RAD51B: variants seen among roughly 807,000 people sequenced by gnomAD.
RAD51B encodes RAD51 paralog B.
A neutral mutation model predicts 42.2 loss-of-function variants in RAD51B; 38 were observed. The ratio of observed to expected loss-of-function variants is 0.90; its 90% CI spans 0.70 to 1.18. The LOEUF is 1.18. RAD51B is among the 50% of genes most tolerant of loss of function. RAD51B has a pLI of 0.00. For missense variants in RAD51B, 373 were observed against 400.7 expected, an observed-to-expected ratio of 0.93 and a Z score of 0.59; for synonymous variants, 154 against 145.2, an observed-to-expected ratio of 1.06 and a Z score of -0.43.
chr14:68,042,566 GT>G (rs1023389311), intron 7 of RAD51B, among the ~76,000 whole-genome samples: 1 of 151,884 alleles, frequency 6.6e-6, no homozygotes, highest in Non-Finnish European at 1.5e-5. Context: ...GAATTGAAGG[GT>G]TTTTTTTCCT....
intron 10 of RAD51B, among the ~76,000 whole-genome samples, chr14:68,629,862 A>T (rs867694323): frequency 1.3e-5 from 2 of 152,234 alleles, no homozygotes; most frequent in Non-Finnish European, 2.9e-5. Context: ...ATTAAAGCTA[A>T]TCCACCATAG....
intron 8 of RAD51B, among the ~76,000 whole-genome samples, chr14:68,400,023 A>C (rs2084052118): frequency 6.6e-6 from 1 of 152,164 alleles, no homozygotes; most frequent in African/African-American, 2.4e-5. Flanking sequence ...TTCTGTTCTT[A>C]CTGCTTGCAA....
chr14:68,193,940 A>C (rs2079315724), intron 7 of RAD51B, among the ~76,000 whole-genome samples: 3 of 152,162 alleles, frequency 2.0e-5, no homozygotes, highest in Non-Finnish European at 2.9e-5. Flanking sequence ...CTGTGATCAC[A>C]CTCATTAGAC....
intron 7 of RAD51B, among the ~76,000 whole-genome samples, chr14:67,910,393 G>A (rs1441340922): frequency 2.8e-4 from 12 of 42,392 alleles, no homozygotes; most frequent in East Asian, 1.7e-3. Flanking sequence ...GCGACAGAGC[G>A]AGACTCTGTC....
chr14:68,127,861 G>T (rs935575503), intron 7 of RAD51B, among the ~76,000 whole-genome samples: 2 of 152,096 alleles, frequency 1.3e-5, no homozygotes, highest in African/African-American at 4.8e-5. Context: ...AGTTTTCATT[G>T]TATCTCATGA....
chr14:68,466,083 T>C (rs1307136832), intron 9 of RAD51B, among the ~76,000 whole-genome samples: 1 of 152,172 alleles, frequency 6.6e-6, no homozygotes, highest in South Asian at 2.1e-4. Flanking sequence ...AAAGTGTAAA[T>C]TCCCACCTAT....
chr14:67,982,939 C>G (rs1276427995), intron 7 of RAD51B, among the ~76,000 whole-genome samples: 1 of 152,028 alleles, frequency 6.6e-6, no homozygotes, highest in Non-Finnish European at 1.5e-5. Flanking sequence ...GTGGCACGAG[C>G]CTGTAGTCTC....
intron 9 of RAD51B, among the ~76,000 whole-genome samples, chr14:68,465,188 G>A (rs1460054817): frequency 6.6e-6 from 1 of 152,076 alleles, no homozygotes; most frequent in Non-Finnish European, 1.5e-5. Context: ...ATGTCTAGTT[G>A]CTACATACAG....
intron 7 of RAD51B, among the ~76,000 whole-genome samples, chr14:68,105,113 CTT>C (rs758724955): frequency 3.5e-5 from 5 of 142,014 alleles, no homozygotes. Context: ...CTCCAGGAAT[CTT>C]TTTTTTTTTT....
chr14:68,144,529 T>C, intron 7 of RAD51B, among the ~76,000 whole-genome samples: 1 of 152,380 alleles, frequency 6.6e-6, no homozygotes, highest in East Asian at 1.9e-4. Context: ...CATTGTCTTT[T>C]GTAGTAGAGC....
At chr14:68,392,488 A>T (rs901413791) in intron 8 of RAD51B, among the ~76,000 whole-genome samples, 7 of 151,488 alleles carry the variant, frequency 4.6e-5, no homozygotes, top group African/African-American at 1.7e-4. Flanking sequence ...GCCCTATAGG[A>T]CTCTCTCTCC....
chr14:67,866,239 T>G (rs1296794527), intron 5 of RAD51B, among the ~76,000 whole-genome samples: 3 of 152,186 alleles, frequency 2.0e-5, no homozygotes. Flanking sequence ...GATTAACTTA[T>G]TTGGATCTTG....
chr14:68,331,303 G>GGA (rs1365161948), intron 8 of RAD51B, among the ~76,000 whole-genome samples: 1 of 136,490 alleles, frequency 7.3e-6, no homozygotes, highest in Non-Finnish European at 1.5e-5. Context: ...GGGAGGCAGA[G>GGA]GTTGCAATGA....
In RAD51B at chr14:68,446,982, C is replaced by T. The variant is rs139287663; in HGVS notation, c.958-21190C>T. Among the ~76,000 whole-genome samples, 872 of 152,166 alleles carry T rather than the reference C, an allele frequency of 5.7e-3. 12 individuals carry two copies. Among genetic ancestry groups the T allele is most frequent in the African/African-American group, 0.02 (812 of 41,522 alleles). ...CTGTAATCCCAGCACTTTAGGAGGCCGAGGCGGGCGGATCACCTGCAGTCA... is the reference window on the plus strand; with the variant it reads ...CTGTAATCCCAGCACTTTAGGAGGCTGAGGCGGGCGGATCACCTGCAGTCA... On this transcript the variant is annotated intron_variant, in intron 9 of 10. Coordinates refer to ENST00000471583, the MANE Select transcript of RAD51B (RefSeq NM_133510.4).
chr14:68,602,462 G>T (rs78658253), intron 10 of RAD51B, among the ~76,000 whole-genome samples: 3,764 of 151,708 alleles, frequency 0.025, 151 homozygotes, highest in African/African-American at 0.084. Context: ...GTTGGATGCG[G>T]ATAGATGGGT....
intron 7 of RAD51B, among the ~76,000 whole-genome samples, chr14:67,931,010 G>A (rs557362068): frequency 3.8e-4 from 57 of 150,918 alleles, no homozygotes; most frequent in Admixed American, 3.0e-3. Context: ...AAGCTCCGCC[G>A]CCTGCATTCA....
chr14:67,877,771 C>T (rs1307128509), intron 5 of RAD51B, among the ~76,000 whole-genome samples: 3 of 152,090 alleles, frequency 2.0e-5, no homozygotes, highest in African/African-American at 2.4e-5. Context: ...CAAGGGATCC[C>T]CTTGCTTTAG....
intron 10 of RAD51B, among the ~76,000 whole-genome samples, chr14:68,471,101 G>T (rs925136317): frequency 2.0e-5 from 3 of 152,310 alleles, no homozygotes; most frequent in Admixed American, 1.3e-4. Flanking sequence ...TGGCAGGTGA[G>T]CCCCGAGTTG....
At chr14:68,080,673 A>T (rs2076898879) in intron 7 of RAD51B, among the ~76,000 whole-genome samples, 1 of 152,186 alleles carries the variant, frequency 6.6e-6, no homozygotes, top group Admixed American at 6.5e-5. Flanking sequence ...GTTGGGTTTG[A>T]TCAGTGCAGG....
Sources: gnomAD v4.1 joint callset for allele counts (sites outside exome capture counted in the v4.1 genomes callset) on GRCh38, gnomAD v4.1.1 for gene constraint, MANE v1.5 for transcripts, NCBI Gene and HGNC (gene_info 2026-07-23, HGNC 2026-07-21) for gene names.